NINJ2: variants seen among roughly 807,000 people sequenced by gnomAD.
NINJ2 encodes the protein ninjurin 2, also known as ninjurin-2.
In NINJ2, 12 loss-of-function variants were observed where a neutral mutation model predicts 11.7. That is an observed-to-expected ratio of 1.02 (90% CI 0.66 to 1.66). The LOEUF (loss-of-function observed/expected upper bound fraction) is 1.66, where lower values mean the gene tolerates loss of function less well. NINJ2 is among the 40% of genes most tolerant of loss of function. NINJ2 has a pLI of 0.00. For synonymous variants in NINJ2, 93 were observed against 76.8 expected, an observed-to-expected ratio of 1.21 and a Z score of -1.10; for missense variants, 187 against 181.8, an observed-to-expected ratio of 1.03 and a Z score of -0.16.
intron 1 of NINJ2, chr12:641,083 G>A (rs961775066): frequency 1.3e-5 from 2 of 152,200 alleles, no homozygotes; most frequent in Admixed American, 1.3e-4. Context: ...TTTATGAGGT[G>A]AAATTATTTG....
chr12:653,149 T>C (rs1358540952), intron 1 of NINJ2, among the ~76,000 whole-genome samples: 2 of 149,850 alleles, frequency 1.3e-5, no homozygotes, highest in Admixed American at 6.7e-5. Context: ...GCCTCCCGAG[T>C]AGCTGGGACT....
intron 1 of NINJ2, among the ~76,000 whole-genome samples, chr12:577,448 T>TATACATATATATGTA: frequency 7.0e-6 from 1 of 141,922 alleles, no homozygotes; most frequent in Non-Finnish European, 1.5e-5. Flanking sequence ...TATATAAATA[T>TATACATATATATGTA]TTTGGCACGA....
In NINJ2 at chr12:581,137, C is replaced by CTG. The variant is rs1301141091; in HGVS notation, c.34-14961_34-14960dup. Among the ~76,000 whole-genome samples, 1 of 140,800 alleles carries CTG rather than the reference C, an allele frequency of 7.1e-6. No individual in the cohort carries two copies. Among genetic ancestry groups the CTG allele is most frequent in the Non-Finnish European group, 1.6e-5 (1 of 64,394 alleles). 92.4% of individuals were successfully genotyped at this position (140,800 alleles called of 152,430 possible). On this transcript the variant is annotated intron_variant, in intron 1 of 3. Coordinates refer to ENST00000305108, the MANE Select transcript of NINJ2 (RefSeq NM_016533.6). The surrounding 1 kb of genome is among the most constrained non-coding windows in gnomAD (Gnocchi z 4.9). ...TCTGTGTGTGCGTGTCTCTGTGCCT[C>CTG]TGTGTGTGTGTGCATGTGTCTCTGT...
At chr12:578,838 C>A (rs918916938) in intron 1 of NINJ2, among the ~76,000 whole-genome samples, 1 of 152,344 alleles carries the variant, frequency 6.6e-6, no homozygotes, top group Non-Finnish European at 1.5e-5. Context: ...GCCCCAGCAG[C>A]TCCTGTCTTC....
At chr12:643,487 AC>A in intron 1 of NINJ2, 1 of 988,268 alleles carries the variant, frequency 1.0e-6, no homozygotes, top group Non-Finnish European at 1.2e-6. Context: ...ATTCGGGAAC[AC>A]GGCTTTGTCC....
intron 1 of NINJ2, among the ~76,000 whole-genome samples, chr12:602,345 T>C (rs1947884115): frequency 6.6e-6 from 1 of 152,248 alleles, no homozygotes; most frequent in South Asian, 2.1e-4. Context: ...ATCTACTTTC[T>C]GTCTGTATCG....
rs907329665 is a variant in NINJ2, at chr12:591,427, C to T, written c.34-25249G>A. Among the ~76,000 whole-genome samples, 10 of 152,124 alleles carry T rather than the reference C, an allele frequency of 6.6e-5. No homozygotes were observed. Among genetic ancestry groups the T allele is most frequent in the South Asian group, 2.1e-4 (1 of 4,824 alleles). On this transcript the variant is annotated intron_variant, in intron 1 of 3. Transcript: ENST00000305108. The surrounding 1 kb of genome is among the most constrained non-coding windows in gnomAD (Gnocchi z 5.0). The stretch of plus-strand genomic sequence containing the variant: ...CACACGTCAACAACCTGGGGCTGTG[C>T]GCTCTCCTGATGCAAGGTCCTTTCT...
chr12:603,404 G>A (rs907368337), intron 1 of NINJ2, among the ~76,000 whole-genome samples: 1 of 152,182 alleles, frequency 6.6e-6, no homozygotes, highest in South Asian at 2.1e-4. Flanking sequence ...CATTTGAAAC[G>A]CAACCTTTTT....
intron 1 of NINJ2, chr12:610,217 C>G: frequency 1.3e-6 from 1 of 771,842 alleles, no homozygotes; most frequent in Non-Finnish European, 2.2e-6. Flanking sequence ...AGACACCCAG[C>G]AGACACAGAA....
chr12:642,729 C>A (rs945034552), intron 1 of NINJ2: 11 of 152,306 alleles, frequency 7.2e-5, no homozygotes, highest in Admixed American at 3.9e-4. Context: ...TAGTTCTGAG[C>A]CGGGAAAAGG....
chr12:647,674 C>G (rs1937708731), intron 1 of NINJ2, among the ~76,000 whole-genome samples: 2 of 152,174 alleles, frequency 1.3e-5, no homozygotes, highest in Non-Finnish European at 2.9e-5. Flanking sequence ...CTCCATTTCT[C>G]CCATACATCA....
At position 585,352 on chromosome 12, in the gene NINJ2, C is replaced by T. The variant is rs149814723; in HGVS notation, c.34-19174G>A. ...GGTCCATACCAACTTCCGGAATAAA[C>T]GAGGCCAAAGGGAAAGAGTAGGTTC... On this transcript the variant is annotated intron_variant, in intron 1 of 3. Coordinates refer to ENST00000305108, the MANE Select transcript of NINJ2 (RefSeq NM_016533.6). The surrounding 1 kb of genome is among the most constrained non-coding windows in gnomAD (Gnocchi z 4.1). Among the ~76,000 whole-genome samples, 85 of 152,276 alleles carry T rather than the reference C, an allele frequency of 5.6e-4. No individual in the cohort carries two copies. Among genetic ancestry groups the T allele is most frequent in the African/African-American group, 2.0e-3 (83 of 41,548 alleles).
At chr12:574,250 G>A (rs947292634) in intron 1 of NINJ2, among the ~76,000 whole-genome samples, 14 of 152,232 alleles carry the variant, frequency 9.2e-5, no homozygotes, top group Non-Finnish European at 1.6e-4. Context: ...TAGGCCAGGC[G>A]TGGAGGGAGG....
In NINJ2 at chr12:580,484, A is replaced by G. The variant is rs1947531565; in HGVS notation, c.34-14306T>C. 6.6e-6 allele frequency among the ~76,000 whole-genome samples: 1 copy of G among 152,038 alleles called. No individual in the cohort carries two copies. The highest frequency in any genetic ancestry group is 1.5e-5 in the Non-Finnish European group (1 of 68,004). On this transcript the variant is annotated intron_variant, in intron 1 of 3. Transcript: ENST00000305108. This position sits in a 1 kb window ranked among gnomAD's most constrained non-coding sequence, Gnocchi z 4.7. Reference sequence around the variant, plus strand: ...ACGCCTATAATTCCAGCTACTCGGGAGGCTGAGGCAGGAGAATCACTTGAA... The same window carrying G: ...ACGCCTATAATTCCAGCTACTCGGGGGGCTGAGGCAGGAGAATCACTTGAA...
At chr12:596,150 T>C (rs1290491442) in intron 1 of NINJ2, among the ~76,000 whole-genome samples, 1 of 152,192 alleles carries the variant, frequency 6.6e-6, no homozygotes, top group Non-Finnish European at 1.5e-5. Flanking sequence ...GCAACCACGC[T>C]CCTTGGGATT....
chr12:600,812 G>T (rs1351249954), intron 1 of NINJ2, among the ~76,000 whole-genome samples: 1 of 152,126 alleles, frequency 6.6e-6, no homozygotes, highest in East Asian at 1.9e-4. Flanking sequence ...CTCCAAAAGT[G>T]CTGGGATTAC....
chr12:652,947 C>CAA (rs760841339), intron 1 of NINJ2, among the ~76,000 whole-genome samples: 1 of 64,692 alleles, frequency 1.5e-5, no homozygotes, highest in Non-Finnish European at 3.2e-5. Flanking sequence ...AACTCTGTCT[C>CAA]AAAAAAAAAA....
At chr12:626,201 A>G (rs1011399185) in intron 1 of NINJ2, among the ~76,000 whole-genome samples, 2 of 152,214 alleles carry the variant, frequency 1.3e-5, no homozygotes, top group African/African-American at 4.8e-5. Flanking sequence ...ATTAATCTGA[A>G]GTCACTAGGC....
chr12:616,959 A>C (rs1316383233), intron 1 of NINJ2, among the ~76,000 whole-genome samples: 3 of 152,196 alleles, frequency 2.0e-5, no homozygotes, highest in Non-Finnish European at 4.4e-5. Flanking sequence ...TAATCCCAGC[A>C]CTTTGGGAGG....
Sources: allele counts gnomAD v4.1 joint callset (sites outside exome capture counted in the v4.1 genomes callset), GRCh38; gene constraint gnomAD v4.1.1; non-coding constraint Gnocchi (gnomAD v3.1); transcripts MANE v1.5; gene names NCBI Gene and HGNC (gene_info 2026-07-23, HGNC 2026-07-21).